Variants in FOXRED2 observed in about 807,000 individuals in gnomAD.
FOXRED2 encodes FAD dependent oxidoreductase domain containing 2, also known as FAD-dependent oxidoreductase domain-containing protein 2.
In FOXRED2, 32 loss-of-function variants were observed where a neutral mutation model predicts 52.5. The ratio of observed to expected loss-of-function variants is 0.61; its 90% CI spans 0.46 to 0.82. FOXRED2 has a LOEUF of 0.82. Ranked by LOEUF, FOXRED2 falls within the 40% of genes least tolerant of loss-of-function variation. The pLI is 0.00. For missense variants in FOXRED2, 848 were observed against 937.5 expected (o/e 0.90, Z 1.25); for synonymous variants, 405 against 398.1 (o/e 1.02, Z -0.21).
chr22:36,505,856 G>C, intron 2 of FOXRED2, 40 bp downstream of exon 2: 1 of 1,591,430 alleles, frequency 6.3e-7, no homozygotes, highest in Non-Finnish European at 8.6e-7. Context: ...GTGTGGGGAA[G>C]GTCCCAGCTT....
intron 8 of FOXRED2, among the ~76,000 whole-genome samples, chr22:36,491,005 T>C (rs1933741794): frequency 6.6e-6 from 1 of 151,576 alleles, no homozygotes; most frequent in African/African-American, 2.4e-5. Context: ...CTAGTAAAAA[T>C]ACAAAAATTA....
intron 6 of FOXRED2, 109 bp from the exon 7 acceptor site, chr22:36,496,317 C>T (rs1158890950): frequency 1.4e-5 from 19 of 1,360,644 alleles, no homozygotes; most frequent in South Asian, 4.0e-5. Context: ...CTCTAAGGAG[C>T]GTCAATCAAG....
intron 8 of FOXRED2, 35 bp from the exon 9 acceptor site, chr22:36,490,302 C>T: frequency 1.3e-6 from 2 of 1,555,222 alleles, no homozygotes; most frequent in East Asian, 2.3e-5. Context: ...ATGAGCCAGG[C>T]TGGGACATGT....
chr22:36,496,311 A>G, intron 6 of FOXRED2, 103 bp from the exon 7 acceptor site: 1 of 1,388,132 alleles, frequency 7.2e-7, no homozygotes, highest in Non-Finnish European at 9.9e-7. Context: ...CTCCCCCTCT[A>G]AGGAGCGTCA....
At chr22:36,494,717 GC>G (rs2145843502) in intron 7 of FOXRED2, among the ~76,000 whole-genome samples, 1 of 151,828 alleles carries the variant, frequency 6.6e-6, no homozygotes, top group African/African-American at 2.4e-5. Flanking sequence ...TTGGCTCACT[GC>G]AGCCTCTGCC....
intron 1 of FOXRED2, 106 bp downstream of exon 1, chr22:36,506,903 C>G (rs1215366475): frequency 6.5e-6 from 1 of 154,136 alleles, no homozygotes; most frequent in South Asian, 2.0e-4. Context: ...ACAGGGATGC[C>G]GCGCACACCT....
rs759329101 is a variant in FOXRED2 at position 36,505,845 on chromosome 22, C to T, written c.527+51G>A. On this transcript the variant is annotated intron_variant, in intron 2 of 8. Transcript: ENST00000397224. ...TACTGGCCAATCAAGGTGTGTGGTT[C>T]GTGTGGGGAAGGTCCCAGCTTCCGC... 22 of 1,574,278 alleles carry T rather than the reference C, an allele frequency of 1.4e-5. No homozygotes were observed. In the South Asian group the frequency reaches 1.8e-4, roughly 13 times the overall value.
At position 36,493,761 on chromosome 22, in the gene FOXRED2, C is replaced by A. The variant is rs748319420; in HGVS notation, c.1667G>T (p.Arg556Leu). The stretch of plus-strand genomic sequence containing the variant: ...CACGATGTGATGGATGGCCGTGGGC[C>A]GAGGCAGGGGCCAGTGTGCAGGGCG... ...RFRPAHWPLPRPTAIHHIVED... is the reference protein window; with the variant it reads ...RFRPAHWPLPLPTAIHHIVED... Residue 556 changes from arginine (R) to leucine (L), a missense_variant, in exon 8 of 9, where the codon CGG (arginine) becomes CTG (leucine). Arg to Leu is a moderately radical substitution (Grantham distance 102). Coordinates refer to ENST00000397224, the MANE Select transcript of FOXRED2 (RefSeq NM_001102371.2). 1.2e-6 allele frequency: 2 copies of A among 1,614,144 alleles called. No homozygotes were observed. Among genetic ancestry groups the A allele is most frequent in the East Asian group, 4.5e-5 (2 of 44,886 alleles).
chr22:36,493,893 A>C, intron 7 of FOXRED2, 90 bp from the exon 8 acceptor site: 1 of 1,143,592 alleles, frequency 8.7e-7, no homozygotes, highest in South Asian at 1.5e-5. Context: ...ACACAGCCCA[A>C]ACACTTCCCT....
Position 36,490,194 on chromosome 22 carries a change from C to G in FOXRED2, c.1869G>C (p.Gln623His). The change falls in exon 9 of 9, where the codon CAG becomes CAC. Residue 623 changes from glutamine (Q) to histidine (H), a missense_variant. By Grantham distance (24) the Gln-to-His change is conservative. Transcript: ENST00000397224. ...AAAGGCTCTCGGTACTCACGAGTCC[C>G]TGCATCCTCAGGTACCCCTGCTGGC... Reference protein sequence around the residue: ...PFCQQGYLRMQGLVSTESLWQ... With the variant: ...PFCQQGYLRMHGLVSTESLWQ... The G allele has an allele frequency of 6.2e-7, 1 of 1,614,040 alleles. No individual in the cohort carries two copies. Among genetic ancestry groups the G allele is most frequent in the Non-Finnish European group, 8.5e-7 (1 of 1,179,904 alleles).
intron 3 of FOXRED2, 71 bp downstream of exon 3, chr22:36,504,444 G>A: frequency 3.1e-6 from 5 of 1,607,894 alleles, no homozygotes; most frequent in Non-Finnish European, 4.3e-6. Context: ...GAAGGGCAGG[G>A]GAGGGTTGGG....
At chr22:36,499,428 C>G (rs1933986796) in intron 5 of FOXRED2, among the ~76,000 whole-genome samples, 1 of 151,896 alleles carries the variant, frequency 6.6e-6, no homozygotes, top group African/African-American at 2.4e-5. Flanking sequence ...CCAGCCTGGG[C>G]AACATGGCGA....
chr22:36,500,607 G>T (rs1316163646), intron 5 of FOXRED2, among the ~76,000 whole-genome samples: 2 of 144,824 alleles, frequency 1.4e-5, no homozygotes, highest in Non-Finnish European at 3.0e-5. Flanking sequence ...TTTTGAGATG[G>T]AGTTTTGCTC....
At chr22:36,497,329 G>C (rs886419300) in intron 6 of FOXRED2, among the ~76,000 whole-genome samples, 1 of 152,144 alleles carries the variant, frequency 6.6e-6, no homozygotes, top group Admixed American at 6.5e-5. Flanking sequence ...GACAGAGCGA[G>C]ACTGTCTCAA....
rs1387596604 is a variant in FOXRED2 at position 36,489,701 on chromosome 22, C to T, written c.*307G>A. 1.8e-5 allele frequency: 5 copies of T among 284,984 alleles called. No homozygotes were observed. The highest frequency in any genetic ancestry group is 6.2e-5 in the East Asian group (1 of 16,120). The allele number at this position is 284,984 out of a possible 1,614,324, so 17.7% of individuals were successfully genotyped here. Reference sequence around the variant, plus strand: ...TTGGAAGGAAGAGGAGCACTTGAGACGGGGCAGAACTGGGCTGGCCTGGGG... The same window carrying T: ...TTGGAAGGAAGAGGAGCACTTGAGATGGGGCAGAACTGGGCTGGCCTGGGG... On this transcript the variant is annotated 3_prime_UTR_variant, in exon 9 of 9. Coordinates refer to ENST00000397224, the MANE Select transcript of FOXRED2 (RefSeq NM_001102371.2).
Position 36,489,703 on chromosome 22 carries a change from G to C in FOXRED2, c.*305C>G. The C allele has an allele frequency of 3.4e-6, 1 of 298,174 alleles. No homozygotes were observed. The highest frequency in any genetic ancestry group is 6.3e-6 in the Non-Finnish European group (1 of 159,830). The allele number at this position is 298,174 out of a possible 1,614,324, so 18.5% of individuals were successfully genotyped here. ...GGAAGGAAGAGGAGCACTTGAGACG[G>C]GGCAGAACTGGGCTGGCCTGGGGCT... On this transcript the variant is annotated 3_prime_UTR_variant, in exon 9 of 9. Coordinates refer to ENST00000397224, the MANE Select transcript of FOXRED2 (RefSeq NM_001102371.2).
At chr22:36,500,663 A>C (rs1934019351) in intron 5 of FOXRED2, among the ~76,000 whole-genome samples, 2 of 147,890 alleles carry the variant, frequency 1.4e-5, no homozygotes, top group South Asian at 4.3e-4. Context: ...AGCTCACCGC[A>C]ACCTCCACCT....
chr22:36,501,112 C>A (rs946455693), intron 5 of FOXRED2, 129 bp downstream of exon 5: 3 of 976,096 alleles, frequency 3.1e-6, no homozygotes, highest in Non-Finnish European at 4.6e-6. Context: ...TTCCCCAAGA[C>A]AATTTATGAC....
chr22:36,505,857 G>A (rs763620858), intron 2 of FOXRED2, 39 bp downstream of exon 2: 2 of 1,593,438 alleles, frequency 1.3e-6, no homozygotes, highest in East Asian at 2.3e-5. Flanking sequence ...TGTGGGGAAG[G>A]TCCCAGCTTC....
Sources: allele counts gnomAD v4.1 joint callset (sites outside exome capture counted in the v4.1 genomes callset), GRCh38; gene constraint gnomAD v4.1.1; transcripts MANE v1.5; gene names NCBI Gene and HGNC (gene_info 2026-07-23, HGNC 2026-07-21).